The following RALYL variants were observed in gnomAD, a reference collection of about 807,000 sequenced individuals.
RALYL encodes RNA-binding Raly-like protein.
In RALYL, 29 loss-of-function variants were observed where a neutral mutation model predicts 35.1. That is an observed-to-expected ratio of 0.83 (90% CI 0.61 to 1.13). The LOEUF is 1.13. RALYL is among the 50% of genes most tolerant of loss of function. The pLI, the probability that RALYL is intolerant of heterozygous loss-of-function variation, is 0.00. For synonymous variants in RALYL, 120 were observed against 127.6 expected, an observed-to-expected ratio of 0.94 and a Z score of 0.40; for missense variants, 359 against 360.4, an observed-to-expected ratio of 1.00 and a Z score of 0.03.
At chr8:84,898,963 G>A (rs1439859903) in intron 8 of RALYL, among the ~76,000 whole-genome samples, 3 of 152,062 alleles carry the variant, frequency 2.0e-5, no homozygotes, top group African/African-American at 7.2e-5. Flanking sequence ...TTTGAGCCAG[G>A]GTGTTCTTTT....
chr8:84,638,961 C>CAG (rs1825730957), intron 2 of RALYL, among the ~76,000 whole-genome samples: 2 of 84,848 alleles, frequency 2.4e-5, no homozygotes. Context: ...CACACACACA[C>CAG]ACAGACACAC....
At chr8:84,309,256 AAAG>A (rs1450322569) in intron 1 of RALYL, among the ~76,000 whole-genome samples, 12 of 151,450 alleles carry the variant, frequency 7.9e-5, no homozygotes, top group Admixed American at 7.9e-4. Context: ...TATAACCTGA[AAAG>A]AACAAATACA....
At chr8:84,665,652 AT>A (rs1188160731) in intron 2 of RALYL, 1 of 152,112 alleles carries the variant, frequency 6.6e-6, no homozygotes, top group Non-Finnish European at 1.5e-5. Flanking sequence ...TAGTCGTGAT[AT>A]CCCCTTATCA....
chr8:84,610,156 T>C (rs1817989274), intron 2 of RALYL, among the ~76,000 whole-genome samples: 1 of 152,108 alleles, frequency 6.6e-6, no homozygotes, highest in African/African-American at 2.4e-5. Flanking sequence ...CCAAAGTTTA[T>C]TAAGATTTTT....
chr8:84,781,743 A>C (rs2133718167), intron 3 of RALYL, among the ~76,000 whole-genome samples: 1 of 152,286 alleles, frequency 6.6e-6, no homozygotes, highest in South Asian at 2.1e-4. Context: ...ATCAAGCAAA[A>C]ATTTAATTAT....
intron 2 of RALYL, among the ~76,000 whole-genome samples, chr8:84,579,546 A>G (rs562739309): frequency 2.6e-5 from 4 of 152,146 alleles, no homozygotes; most frequent in Admixed American, 6.5e-5. Context: ...CATCTTAGTA[A>G]TGGTGGTTCC....
intron 1 of RALYL, among the ~76,000 whole-genome samples, chr8:84,289,641 T>C (rs921480295): frequency 7.2e-5 from 11 of 152,176 alleles, no homozygotes; most frequent in Non-Finnish European, 1.5e-4. Context: ...GATTTTATGT[T>C]TATTTGGACA....
chr8:84,408,616 C>T (rs2043793045), intron 1 of RALYL, among the ~76,000 whole-genome samples: 1 of 151,974 alleles, frequency 6.6e-6, no homozygotes, highest in African/African-American at 2.4e-5. Context: ...ATTCAAGAAC[C>T]CAGGTGGGTT....
rs115859309 is a variant in RALYL, at chr8:84,354,863, C to G, written c.-24+170439C>G. On this transcript the variant is annotated intron_variant, in intron 1 of 8. Coordinates refer to ENST00000521268, the MANE Select transcript of RALYL (RefSeq NM_173848.7). ...TTAATGGTTCTTTAGAAAAGCCGCA[C>G]AATTAGGACCTCACAAAATAGCTCT... Among the ~76,000 whole-genome samples, 827 of 150,226 alleles carry G rather than the reference C, an allele frequency of 5.5e-3. 63 individuals carry two copies. Among genetic ancestry groups the G allele is most frequent in the African/African-American group, 0.019 (773 of 40,388 alleles).
intron 2 of RALYL, among the ~76,000 whole-genome samples, chr8:84,752,353 G>A (rs28786677): frequency 0.27 from 40,900 of 151,964 alleles, 5,913 homozygotes; most frequent in African/African-American, 0.35. Flanking sequence ...GAGCAAAGAA[G>A]TTACCTGAAA....
At chr8:84,859,039 G>A (rs1837595077) in intron 5 of RALYL, among the ~76,000 whole-genome samples, 1 of 152,166 alleles carries the variant, frequency 6.6e-6, no homozygotes, top group Non-Finnish European at 1.5e-5. Flanking sequence ...AAAGAATGAA[G>A]TAACAAAAGC....
At chr8:84,280,272 C>A (rs1836280172) in intron 1 of RALYL, among the ~76,000 whole-genome samples, 1 of 152,058 alleles carries the variant, frequency 6.6e-6, no homozygotes, top group East Asian at 1.9e-4. Flanking sequence ...ATTTCAGCAA[C>A]TTGTGATATC....
chr8:84,538,420 G>A (rs1490563436), intron 2 of RALYL, among the ~76,000 whole-genome samples: 1 of 151,942 alleles, frequency 6.6e-6, no homozygotes, highest in East Asian at 1.9e-4. Flanking sequence ...TTTAATGTGG[G>A]GAATAAAATG....
chr8:84,875,483 C>A (rs938786217), intron 7 of RALYL, among the ~76,000 whole-genome samples: 1 of 151,908 alleles, frequency 6.6e-6, no homozygotes, highest in African/African-American at 2.4e-5. Flanking sequence ...CATGAGATGT[C>A]ACTTACTTTT....
intron 2 of RALYL, among the ~76,000 whole-genome samples, chr8:84,722,710 T>C (rs1045452068): frequency 3.4e-5 from 5 of 147,216 alleles, no homozygotes; most frequent in Non-Finnish European, 7.4e-5. Context: ...GTATGTTTTG[T>C]GTATGTGTGT....
At position 84,816,331 on chromosome 8, in the gene RALYL, C is replaced by A. The variant is rs183431753; in HGVS notation, c.365+11529C>A. Among the ~76,000 whole-genome samples the A allele has an allele frequency of 1.5e-3, 233 of 152,240 alleles. 1 individual carries two copies. The highest frequency in any genetic ancestry group is 5.2e-3 in the African/African-American group (218 of 41,566). ...CACTCACAGCACCAAAGGAAACTTT[C>A]CACATGAATTATTTCTTCTTCTTCA... On this transcript the variant is annotated intron_variant, in intron 4 of 8. Coordinates refer to ENST00000521268, the MANE Select transcript of RALYL (RefSeq NM_173848.7).
chr8:84,317,525 A>G (rs1418585127), intron 1 of RALYL, among the ~76,000 whole-genome samples: 2 of 152,182 alleles, frequency 1.3e-5, no homozygotes, highest in African/African-American at 4.8e-5. Flanking sequence ...TCTTTTCAGG[A>G]ACCCTTAAAC....
At chr8:84,453,288 G>A (rs1587404089) in intron 1 of RALYL, among the ~76,000 whole-genome samples, 1 of 151,912 alleles carries the variant, frequency 6.6e-6, no homozygotes, top group East Asian at 1.9e-4. Flanking sequence ...TATCTCAAGA[G>A]GTGCTTAACA....
intron 2 of RALYL, among the ~76,000 whole-genome samples, chr8:84,600,129 T>G (rs1404504723): frequency 6.6e-6 from 1 of 152,140 alleles, no homozygotes; most frequent in Non-Finnish European, 1.5e-5. Flanking sequence ...AACTTTTAAC[T>G]TGGGAATTTG....
Sources: allele counts gnomAD v4.1 joint callset (sites outside exome capture counted in the v4.1 genomes callset), GRCh38; gene constraint gnomAD v4.1.1; transcripts MANE v1.5; gene names NCBI Gene and HGNC (gene_info 2026-07-23, HGNC 2026-07-21).